COL19A1: variants seen among roughly 807,000 people sequenced by gnomAD.
The protein encoded by COL19A1 is collagen type XIX alpha 1 chain.
In COL19A1, 159 loss-of-function variants were observed where a neutral mutation model predicts 190.2. The ratio of observed to expected loss-of-function variants is 0.84; its 90% CI spans 0.73 to 0.95. The LOEUF (loss-of-function observed/expected upper bound fraction) is 0.95. COL19A1 is among the 40% of genes least tolerant of loss of function. The pLI, the probability that COL19A1 is intolerant of heterozygous loss-of-function variation, is 0.00. For missense variants in COL19A1, 1,418 were observed against 1,431.9 expected (o/e 0.99, Z 0.16); for synonymous variants, 509 against 458.9 (o/e 1.11, Z -1.39).
intron 11 of COL19A1, among the ~76,000 whole-genome samples, chr6:70,007,585 C>G (rs9454940): frequency 3.3e-5 from 5 of 151,552 alleles, no homozygotes; most frequent in African/African-American, 9.7e-5. Flanking sequence ...GAAGCAGAGA[C>G]GGACAGAAAT....
chr6:70,119,166 C>G (rs2150208870), intron 16 of COL19A1, among the ~76,000 whole-genome samples: 1 of 152,262 alleles, frequency 6.6e-6, no homozygotes, highest in East Asian at 1.9e-4. Flanking sequence ...CTTCTTGTAT[C>G]TCAGACCACC....
chr6:70,176,207 G>C (rs563016461), intron 41 of COL19A1, among the ~76,000 whole-genome samples: 2 of 152,238 alleles, frequency 1.3e-5, no homozygotes, highest in East Asian at 3.9e-4. Flanking sequence ...TAAAAATATT[G>C]ACTAATTTAA....
chr6:69,881,813 G>C (rs909172522), intron 2 of COL19A1, among the ~76,000 whole-genome samples: 5 of 152,196 alleles, frequency 3.3e-5, no homozygotes, highest in Non-Finnish European at 5.9e-5. Flanking sequence ...GATGGAAATT[G>C]CTTAACTTCA....
chr6:70,188,295 A>G (rs1562256700), intron 47 of COL19A1, 50 bp downstream of exon 47: 4 of 1,526,770 alleles, frequency 2.6e-6, no homozygotes, highest in Non-Finnish European at 3.5e-6. Flanking sequence ...CCGACCATGT[A>G]TCCCTTTTAC....
At chr6:70,093,545 G>T (rs1167866908) in intron 15 of COL19A1, among the ~76,000 whole-genome samples, 2 of 151,838 alleles carry the variant, frequency 1.3e-5, no homozygotes, top group Non-Finnish European at 2.9e-5. Flanking sequence ...GAGACGTGAG[G>T]GCAAGCAGAA....
At chr6:70,107,305 G>A (rs993777529) in intron 16 of COL19A1, among the ~76,000 whole-genome samples, 2 of 152,146 alleles carry the variant, frequency 1.3e-5, no homozygotes, top group Non-Finnish European at 2.9e-5. Context: ...TCCAGACAGC[G>A]AGATGGTATA....
At chr6:69,938,617 G>C (rs1026069992) in intron 9 of COL19A1, among the ~76,000 whole-genome samples, 1 of 152,048 alleles carries the variant, frequency 6.6e-6, no homozygotes, top group Non-Finnish European at 1.5e-5. Context: ...TTTACATCTA[G>C]AAAGAGATCG....
chr6:70,039,657 A>G (rs896806829), intron 14 of COL19A1, among the ~76,000 whole-genome samples: 1 of 152,080 alleles, frequency 6.6e-6, no homozygotes, highest in Non-Finnish European at 1.5e-5. Flanking sequence ...TTTTATTCAT[A>G]TTTTGTTTAA....
intron 15 of COL19A1, among the ~76,000 whole-genome samples, chr6:70,095,667 AC>A (rs1212397230): frequency 6.6e-6 from 1 of 152,176 alleles, no homozygotes; most frequent in Non-Finnish European, 1.5e-5. Context: ...AACTCTATAA[AC>A]ATTAAACAAC....
chr6:69,888,691 G>T (rs1769114671), intron 2 of COL19A1, among the ~76,000 whole-genome samples: 1 of 151,638 alleles, frequency 6.6e-6, no homozygotes. Context: ...TACTCAGGAG[G>T]CTGAGTCAGG....
intron 4 of COL19A1, among the ~76,000 whole-genome samples, chr6:69,919,888 T>C (rs1413126736): frequency 2.0e-5 from 3 of 152,154 alleles, no homozygotes; most frequent in African/African-American, 4.8e-5. Flanking sequence ...TGCAACTTAA[T>C]TTTTACCTAC....
chr6:69,914,532 C>T (rs776709894), intron 4 of COL19A1, among the ~76,000 whole-genome samples: 2 of 152,142 alleles, frequency 1.3e-5, no homozygotes, highest in African/African-American at 2.4e-5. Flanking sequence ...CACACTTACT[C>T]GGAATGGCAG....
intron 3 of COL19A1, 88 bp from the exon 4 acceptor site, chr6:69,900,151 A>G (rs1340508388): frequency 2.7e-5 from 20 of 753,612 alleles, no homozygotes; most frequent in Middle Eastern, 6.8e-4. Context: ...AAGTGAATCA[A>G]TTAATAGATA....
At chr6:70,203,729 C>T (rs1472683694) in intron 49 of COL19A1, among the ~76,000 whole-genome samples, 2 of 152,148 alleles carry the variant, frequency 1.3e-5, no homozygotes, top group Non-Finnish European at 2.9e-5. Context: ...ACACAGTCTA[C>T]CACCTGAAAA....
intron 4 of COL19A1, among the ~76,000 whole-genome samples, chr6:69,925,050 A>G (rs1174242405): frequency 6.6e-6 from 1 of 152,106 alleles, no homozygotes; most frequent in African/African-American, 2.4e-5. Context: ...GTTCACTCTG[A>G]TGGTAGTTTC....
intron 11 of COL19A1, among the ~76,000 whole-genome samples, chr6:69,971,860 TCTCA>T (rs1775447756): frequency 6.6e-6 from 1 of 152,314 alleles, no homozygotes; most frequent in Admixed American, 6.5e-5. Context: ...ATCTCCCTGT[TCTCA>T]CTCTTTCTCA....
chr6:70,202,855 C>T (rs547478431), intron 49 of COL19A1, among the ~76,000 whole-genome samples: 1 of 152,248 alleles, frequency 6.6e-6, no homozygotes, highest in Non-Finnish European at 1.5e-5. Flanking sequence ...GGGTGATTGT[C>T]GATGTCTTTT....
At chr6:69,867,847 T>G (rs1767571858) in intron 1 of COL19A1, among the ~76,000 whole-genome samples, 1 of 151,862 alleles carries the variant, frequency 6.6e-6, no homozygotes, top group African/African-American at 2.4e-5. Flanking sequence ...ATGCTGATAA[T>G]AAGTAGTTTT....
At chr6:70,100,638 A>G (rs1783573144) in intron 15 of COL19A1, among the ~76,000 whole-genome samples, 1 of 149,732 alleles carries the variant, frequency 6.7e-6, no homozygotes, top group Non-Finnish European at 1.5e-5. Context: ...GATTACAGGC[A>G]CATACCACCA....
Sources: allele counts gnomAD v4.1 joint callset (sites outside exome capture counted in the v4.1 genomes callset), GRCh38; gene constraint gnomAD v4.1.1; transcripts MANE v1.5; gene names NCBI Gene and HGNC (gene_info 2026-07-23, HGNC 2026-07-21).